Variants in PCDHGA2 observed in about 807,000 individuals in gnomAD.
PCDHGA2 encodes protocadherin gamma subfamily A, 2, also known as protocadherin gamma-A2.
In PCDHGA2, 40 loss-of-function variants were observed where a neutral mutation model predicts 59.2. The ratio of observed to expected loss-of-function variants is 0.68; its 90% CI spans 0.52 to 0.88. PCDHGA2 has a LOEUF of 0.88. PCDHGA2 is among the 40% of genes least tolerant of loss of function. PCDHGA2 has a pLI of 0.00. For synonymous variants in PCDHGA2, 560 were observed against 526.0 expected (o/e 1.06, Z -0.89); for missense variants, 1,226 against 1,204.0 (o/e 1.02, Z -0.27).
chr5:141,399,396 G>A (rs2093799031), intron 1 of PCDHGA2: 1 of 1,613,842 alleles, frequency 6.2e-7, no homozygotes, highest in African/African-American at 1.3e-5. Flanking sequence ...CCACAGACAG[G>A]GGCAAGCCGC....
chr5:141,343,961 T>G, intron 1 of PCDHGA2: 40 of 1,354,018 alleles, frequency 3.0e-5, no homozygotes, highest in Non-Finnish European at 3.7e-5. Flanking sequence ...CTTCGTTTCT[T>G]GAGAAAATAA....
In PCDHGA2 at chr5:141,505,419, C is replaced by G. The variant is rs1303924776; in HGVS notation, c.2510C>G (p.Thr837Ser). 6 of 1,614,140 alleles carry G rather than the reference C, an allele frequency of 3.7e-6. No individual in the cohort carries two copies. The highest frequency in any genetic ancestry group is 4.2e-6 in the Non-Finnish European group (5 of 1,180,062). Residue 837 changes from threonine to serine, a missense_variant, in exon 3 of 4, where the codon ACC becomes AGC. Thr to Ser is a moderately conservative substitution (Grantham distance 58). Coordinates refer to ENST00000394576, the MANE Select transcript of PCDHGA2 (RefSeq NM_018915.4). ...SGSQNGDDTGTWPNNQFDTEM... is the reference protein window; with the variant it reads ...SGSQNGDDTGSWPNNQFDTEM... ...TCCCAAAATGGCGATGACACCGGCACCTGGCCCAACAACCAGTTTGACACA... is the reference window on the plus strand; with the variant it reads ...TCCCAAAATGGCGATGACACCGGCAGCTGGCCCAACAACCAGTTTGACACA...
At chr5:141,415,304 C>T (rs1468756434) in intron 1 of PCDHGA2, 2 of 1,614,188 alleles carry the variant, frequency 1.2e-6, no homozygotes, top group Non-Finnish European at 8.5e-7. Context: ...GTCTTCCTGG[C>T]CTTCGTCATC....
chr5:141,416,098 G>A (rs745507614), intron 1 of PCDHGA2: 19 of 160,674 alleles, frequency 1.2e-4, no homozygotes, highest in Non-Finnish European at 8.1e-5. Flanking sequence ...AAGGGCAATA[G>A]GCCTTTTTCA....
In PCDHGA2 at chr5:141,485,615, C is replaced by G; in HGVS notation, c.2425-9192C>G. ...CTTGGAAATTGGGGAGGCAGCTCCTCCAGGACAGCGTTTCCCGTTGGAAAA... is the reference window on the plus strand; with the variant it reads ...CTTGGAAATTGGGGAGGCAGCTCCTGCAGGACAGCGTTTCCCGTTGGAAAA... On this transcript the variant is annotated intron_variant, in intron 1 of 3. Coordinates refer to ENST00000394576, the MANE Select transcript of PCDHGA2 (RefSeq NM_018915.4). This position sits in a 1 kb window ranked among gnomAD's most constrained non-coding sequence, Gnocchi z 5.7. 6.2e-7 allele frequency: 1 copy of G among 1,612,250 alleles called. No individual in the cohort carries two copies. The highest frequency in any genetic ancestry group is 1.3e-5 in the African/African-American group (1 of 74,992).
At chr5:141,377,906 C>G (rs777974750) in intron 1 of PCDHGA2, 1 of 152,162 alleles carries the variant, frequency 6.6e-6, no homozygotes, top group East Asian at 1.9e-4. Context: ...GTTGCCCAGT[C>G]TGGAGTAAAA....
At chr5:141,371,714 G>A (rs1286462285) in intron 1 of PCDHGA2, 1 of 1,613,920 alleles carries the variant, frequency 6.2e-7, no homozygotes, top group Non-Finnish European at 8.5e-7. Context: ...CCATCACTCT[G>A]CACATCCTTG....
At position 141,374,676 on chromosome 5, in the gene PCDHGA2, G is replaced by T. The variant is rs372705367; in HGVS notation, c.2424+33281G>T. ...AAGTACCCGGAGCTGGTGCTGGAGG[G>T]CACACTGGACCGGGAAGGAGAAGCC... On this transcript the variant is annotated intron_variant, in intron 1 of 3. Coordinates refer to ENST00000394576, the MANE Select transcript of PCDHGA2 (RefSeq NM_018915.4). 8 of 1,610,386 alleles carry T rather than the reference G, an allele frequency of 5.0e-6. No individual in the cohort carries two copies. The African/African-American group carries it at 1.1e-4, about 22-fold the overall frequency.
intron 1 of PCDHGA2, chr5:141,343,261 G>T (rs555556385): frequency 1.7e-4 from 160 of 949,908 alleles, no homozygotes; most frequent in Non-Finnish European, 2.0e-4. Context: ...AAGTTATCAG[G>T]TCACCAAGAA....
intron 1 of PCDHGA2, chr5:141,390,867 C>CGT (rs61319619): frequency 0.024 from 3,656 of 151,102 alleles, 86 homozygotes; most frequent in African/African-American, 0.056. Flanking sequence ...GCTGTGTGTG[C>CGT]GTGTGTGTGT....
At chr5:141,364,863 T>C in intron 1 of PCDHGA2, 2 of 1,613,952 alleles carry the variant, frequency 1.2e-6, no homozygotes, top group Non-Finnish European at 1.7e-6. Context: ...AATCTGCACT[T>C]CTCTCTGGAT....
At chr5:141,375,504 T>G in intron 1 of PCDHGA2, 2 of 1,614,004 alleles carry the variant, frequency 1.2e-6, no homozygotes, top group Non-Finnish European at 1.7e-6. Flanking sequence ...ATCTTCTCTG[T>G]GAATGCACTG....
chr5:141,340,445 G>A lies in PCDHGA2; in HGVS notation c.1474G>A (p.Ala492Thr), dbSNP rs763328762. The change falls in exon 1 of 4, where the codon GCG becomes ACG. Residue 492 changes from alanine to threonine, a missense_variant. By Grantham distance (58) the Ala-to-Thr change is moderately conservative. Transcript: ENST00000394576. ...CAATGCTCATGTAACTTACTCTTTC[G>A]CGGAGGACACTGTTCAGGGGGCACC... is the stretch of plus-strand genomic sequence containing the variant. ...NDNAHVTYSFAEDTVQGAPLS... is the reference protein window; with the variant it reads ...NDNAHVTYSFTEDTVQGAPLS... The A allele has an allele frequency of 8.7e-6, 14 of 1,614,134 alleles. No individual in the cohort carries two copies. The highest frequency in any genetic ancestry group is 6.7e-5 in the East Asian group (3 of 44,884).
At position 141,477,415 on chromosome 5, in the gene PCDHGA2, A is replaced by T. The variant is rs771293212; in HGVS notation, c.2425-17392A>T. On this transcript the variant is annotated intron_variant, in intron 1 of 3. Coordinates refer to ENST00000394576, the MANE Select transcript of PCDHGA2 (RefSeq NM_018915.4). This position sits in a 1 kb window ranked among gnomAD's most constrained non-coding sequence, Gnocchi z 4.9. ...TCAGCATCACCGCCCGAGACGCCGG[A>T]ACCCCTTCCCTCTCAGCCCTTACAA... 12 of 1,614,162 alleles carry T rather than the reference A, an allele frequency of 7.4e-6. No individual in the cohort carries two copies. The highest frequency in any genetic ancestry group is 1.0e-5 in the Non-Finnish European group (12 of 1,180,020).
chr5:141,477,978 T>A lies in PCDHGA2; in HGVS notation c.2425-16829T>A. ...TCCCCTAACCAGAGCCTTTTTGCCA[T>A]AGGGCTGCACACTGGTCAAATCAGT... is the stretch of plus-strand genomic sequence containing the variant. On this transcript the variant is annotated intron_variant, in intron 1 of 3. Transcript: ENST00000394576. The surrounding 1 kb of genome is among the most constrained non-coding windows in gnomAD (Gnocchi z 4.9). The A allele has an allele frequency of 6.2e-7, 1 of 1,614,120 alleles. No individual in the cohort carries two copies. Among genetic ancestry groups the A allele is most frequent in the Non-Finnish European group, 8.5e-7 (1 of 1,180,022 alleles).
At chr5:141,460,341 C>T (rs557699438) in intron 1 of PCDHGA2, among the ~76,000 whole-genome samples, 39 of 152,110 alleles carry the variant, frequency 2.6e-4, no homozygotes, top group Admixed American at 2.4e-3. Flanking sequence ...ATGATTTTCT[C>T]CTATATTTTC....
chr5:141,359,485 A>G (rs1761228046), intron 1 of PCDHGA2, among the ~76,000 whole-genome samples: 2 of 151,316 alleles, frequency 1.3e-5, no homozygotes, highest in Non-Finnish European at 2.9e-5. Flanking sequence ...TTGTATATTC[A>G]TATTACGGAC....
At chr5:141,421,316 G>A in intron 1 of PCDHGA2, 1 of 1,613,866 alleles carries the variant, frequency 6.2e-7, no homozygotes, top group Non-Finnish European at 8.5e-7. Flanking sequence ...TTCCGGGCCA[G>A]GCAGATCCGA....
At chr5:141,398,657 G>C in intron 1 of PCDHGA2, 1 of 1,614,018 alleles carries the variant, frequency 6.2e-7, no homozygotes, top group African/African-American at 1.3e-5. Flanking sequence ...CTTAACCCAA[G>C]TTTCTCATTA....
Sources: gnomAD v4.1 joint callset for allele counts (sites outside exome capture counted in the v4.1 genomes callset) on GRCh38, gnomAD v4.1.1 for gene constraint, Gnocchi (gnomAD v3.1) non-coding constraint, MANE v1.5 for transcripts, NCBI Gene and HGNC (gene_info 2026-07-23, HGNC 2026-07-21) for gene names.